ENTREP2: variants seen among roughly 807,000 people sequenced by gnomAD.
ENTREP2 encodes protein ENTREP2.
At chr15:29,486,239 CT>C in the ENTREP2 span, among the ~76,000 whole-genome samples, 1 of 152,046 alleles carries the variant, frequency 6.6e-6, no homozygotes, top group African/African-American at 2.4e-5. Context: ...GAAATCCTGC[CT>C]TTTTTAATAA....
chr15:29,503,449 G>C, the ENTREP2 span, among the ~76,000 whole-genome samples: 1 of 152,114 alleles, frequency 6.6e-6, no homozygotes, highest in African/African-American at 2.4e-5. Flanking sequence ...GGGAATTGGA[G>C]GTGACTGCTA....
the ENTREP2 span, among the ~76,000 whole-genome samples, chr15:29,553,675 C>A: frequency 0.011 from 1,676 of 152,238 alleles, 32 homozygotes; most frequent in African/African-American, 0.038. Context: ...GGGATACTAG[C>A]TCTGGGGGAA....
the ENTREP2 span, among the ~76,000 whole-genome samples, chr15:29,187,400 C>T: frequency 5.3e-5 from 8 of 152,054 alleles, no homozygotes; most frequent in African/African-American, 1.7e-4. Flanking sequence ...CTCAGCCTCC[C>T]GAGTAGCTGG....
At chr15:29,128,846 G>A in the ENTREP2 span, 2 of 1,550,744 alleles carry the variant, frequency 1.3e-6, no homozygotes, top group Non-Finnish European at 1.7e-6. Context: ...TCGGCCACCT[G>A]CTGACCTATA....
At chr15:29,601,377 A>G in the ENTREP2 span, among the ~76,000 whole-genome samples, 37 of 151,050 alleles carry the variant, frequency 2.4e-4, no homozygotes, top group Admixed American at 2.2e-3. Context: ...TGTGCTTTCA[A>G]TGTCATAAAA....
At chr15:29,231,005 G>A in the ENTREP2 span, among the ~76,000 whole-genome samples, 2 of 152,160 alleles carry the variant, frequency 1.3e-5, no homozygotes, top group Non-Finnish European at 2.9e-5. Flanking sequence ...CATTAGTCTA[G>A]GAGAGAAAAA....
chr15:29,354,584 A>G, the ENTREP2 span, among the ~76,000 whole-genome samples: 6 of 152,162 alleles, frequency 3.9e-5, no homozygotes, highest in Admixed American at 1.3e-4. Context: ...TCCAAAATAG[A>G]TATTTTGATG....
chr15:29,437,709 A>T, the ENTREP2 span, among the ~76,000 whole-genome samples: 2 of 152,178 alleles, frequency 1.3e-5, no homozygotes, highest in Non-Finnish European at 2.9e-5. Context: ...TTCCAAAGTA[A>T]ATGCAAATCC....
At chr15:29,231,698 T>C in the ENTREP2 span, among the ~76,000 whole-genome samples, 1 of 152,108 alleles carries the variant, frequency 6.6e-6, no homozygotes, top group Admixed American at 6.5e-5. Context: ...TCATTGTTAA[T>C]ACCTCTATAA....
the ENTREP2 span, among the ~76,000 whole-genome samples, chr15:29,178,257 G>A: frequency 3.4e-5 from 5 of 145,332 alleles, no homozygotes; most frequent in African/African-American, 5.2e-5. Context: ...TTGTACCACC[G>A]CACTCCAGCC....
At chr15:29,236,820 C>A in the ENTREP2 span, among the ~76,000 whole-genome samples, 3 of 151,898 alleles carry the variant, frequency 2.0e-5, no homozygotes, top group Admixed American at 1.3e-4. Context: ...CTTCACAACA[C>A]ATTTTCTGAA....
the ENTREP2 span, among the ~76,000 whole-genome samples, chr15:29,643,659 G>GT: frequency 0.046 from 7,025 of 151,856 alleles, 188 homozygotes; most frequent in South Asian, 0.066. Flanking sequence ...GTGAGCACCT[G>GT]AGTCCCAGCT....
At chr15:29,156,178 G>A in the ENTREP2 span, among the ~76,000 whole-genome samples, 28 of 151,900 alleles carry the variant, frequency 1.8e-4, no homozygotes, top group African/African-American at 5.5e-4. Context: ...TGGTGGTGGC[G>A]TTTTTGTTTT....
chr15:29,132,498 A>T, the ENTREP2 span, among the ~76,000 whole-genome samples: 559 of 152,190 alleles, frequency 3.7e-3, 6 homozygotes, highest in African/African-American at 0.013. Flanking sequence ...CCCTGCCAGC[A>T]CTGGGAGCTG....
At chr15:29,365,478 C>G in the ENTREP2 span, among the ~76,000 whole-genome samples, 2 of 152,018 alleles carry the variant, frequency 1.3e-5, no homozygotes, top group Non-Finnish European at 2.9e-5. Context: ...GTCTCAAACT[C>G]CTGACCTCAA....
At chr15:29,152,816 C>T in the ENTREP2 span, among the ~76,000 whole-genome samples, 1 of 152,112 alleles carries the variant, frequency 6.6e-6, no homozygotes, top group Admixed American at 6.5e-5. Flanking sequence ...AGCACAATTG[C>T]TGATTTGTAC....
the ENTREP2 span, among the ~76,000 whole-genome samples, chr15:29,660,981 TAC>T: frequency 1.4e-4 from 21 of 152,324 alleles, no homozygotes; most frequent in African/African-American, 4.8e-4. Context: ...CCCCCTCAGA[TAC>T]CAAGGGACAA....
chr15:29,373,403 TA>T, the ENTREP2 span, among the ~76,000 whole-genome samples: 1 of 152,070 alleles, frequency 6.6e-6, no homozygotes, highest in African/African-American at 2.4e-5. Context: ...CCTAATGAGA[TA>T]GGGGAGCAAA....
the ENTREP2 span, among the ~76,000 whole-genome samples, chr15:29,154,559 A>G: frequency 6.6e-6 from 1 of 152,254 alleles, no homozygotes; most frequent in African/African-American, 2.4e-5. Context: ...ATCAGAAAAC[A>G]TGAATCTTTC....
Sources: gnomAD v4.1 joint callset for allele counts (sites outside exome capture counted in the v4.1 genomes callset) on GRCh38, gnomAD v4.1.1 for gene constraint, MANE v1.5 for transcripts, NCBI Gene and HGNC (gene_info 2026-07-23, HGNC 2026-07-21) for gene names.